CNPY1: variants seen among roughly 807,000 people sequenced by gnomAD.
CNPY1 encodes protein canopy homolog 1.
CNPY1 carries 14 observed loss-of-function variants against 14.4 expected under a neutral mutation model. That is an observed-to-expected ratio of 0.97 (90% CI 0.64 to 1.52). CNPY1 has a LOEUF of 1.52. CNPY1 is among the 40% of genes most tolerant of loss of function. The pLI, the probability that CNPY1 is intolerant of heterozygous loss-of-function variation, is 0.00. For missense variants in CNPY1, 129 were observed against 131.5 expected (o/e 0.98, Z 0.09); for synonymous variants, 43 against 46.5 (o/e 0.92, Z 0.31).
rs1413398988 is a variant in CNPY1, at chr7:155,501,389, G to A, written c.*1679C>T. ...TTGCCTACATTTGAGAATGTTTGAT[G>A]ATGATCAAAGAGAGTATGGAAACAG... On this transcript the variant is annotated 3_prime_UTR_variant, in exon 5 of 5. Coordinates refer to ENST00000636446, the MANE Select transcript of CNPY1 (RefSeq NM_001393663.1). 6.6e-6 allele frequency: 1 copy of A among 152,198 alleles called. No homozygotes were observed. Among genetic ancestry groups the A allele is most frequent in the Non-Finnish European group, 1.5e-5 (1 of 68,026 alleles). 9.4% of individuals were successfully genotyped at this position (152,198 alleles called of 1,614,324 possible). A position where few individuals can be genotyped will look rare whatever the true frequency, so the allele number is the denominator to read the frequency against.
intron 2 of CNPY1, chr7:155,510,559 A>G (rs1282232964): frequency 1.3e-5 from 2 of 152,198 alleles, no homozygotes; most frequent in Non-Finnish European, 2.9e-5. Flanking sequence ...CTCGAATCGG[A>G]AGTTAAATAG....
chr7:155,505,325 T>C (rs1175071754), intron 4 of CNPY1, among the ~76,000 whole-genome samples: 1 of 152,214 alleles, frequency 6.6e-6, no homozygotes, highest in East Asian at 1.9e-4. Context: ...AAGGACTTAA[T>C]CAGTGTTTTA....
At chr7:155,532,653 G>C (rs527264529) in intron 2 of CNPY1, among the ~76,000 whole-genome samples, 2 of 152,246 alleles carry the variant, frequency 1.3e-5, no homozygotes, top group Admixed American at 6.5e-5. Flanking sequence ...ATGATCCACT[G>C]CTATATTTTA....
intron 2 of CNPY1, among the ~76,000 whole-genome samples, chr7:155,539,682 T>G (rs1797061827): frequency 6.6e-6 from 1 of 151,960 alleles, no homozygotes; most frequent in Non-Finnish European, 1.5e-5. Context: ...AAAAACAGAT[T>G]AACGGGGGGA....
chr7:155,520,340 C>T (rs140736302), intron 2 of CNPY1, among the ~76,000 whole-genome samples: 2,324 of 152,026 alleles, frequency 0.015, 22 homozygotes, highest in Non-Finnish European at 0.02. Flanking sequence ...CGGCCGAGAG[C>T]ACCCACATGC....
At chr7:155,532,351 C>G (rs1796951535) in intron 2 of CNPY1, among the ~76,000 whole-genome samples, 1 of 149,072 alleles carries the variant, frequency 6.7e-6, no homozygotes, top group South Asian at 2.1e-4. Context: ...GGCCCGGGGC[C>G]GTGGCTCACG....
At chr7:155,504,318 C>A (rs1796222290) in intron 4 of CNPY1, among the ~76,000 whole-genome samples, 1 of 152,096 alleles carries the variant, frequency 6.6e-6, no homozygotes, top group Non-Finnish European at 1.5e-5. Context: ...CATCCAAACA[C>A]AATCATCTTA....
At chr7:155,531,420 A>C (rs1384881891) in intron 2 of CNPY1, among the ~76,000 whole-genome samples, 1 of 152,256 alleles carries the variant, frequency 6.6e-6, no homozygotes, top group Non-Finnish European at 1.5e-5. Flanking sequence ...ACGACATTTA[A>C]GTTTGAGAGG....
chr7:155,519,351 C>T (rs774264717), intron 2 of CNPY1, among the ~76,000 whole-genome samples: 2 of 151,900 alleles, frequency 1.3e-5, no homozygotes, highest in Non-Finnish European at 2.9e-5. Context: ...GAGAGCTTGT[C>T]TCTACAAAAA....
At chr7:155,503,219 T>C (rs1796178574) in intron 4 of CNPY1, 114 bp from the exon 5 acceptor site, 2 of 885,646 alleles carry the variant, frequency 2.3e-6, no homozygotes, top group Non-Finnish European at 3.4e-6. Flanking sequence ...TAAAAACTTT[T>C]ATTATGGAAA....
chr7:155,523,634 C>A (rs912959784), intron 2 of CNPY1, among the ~76,000 whole-genome samples: 1 of 152,144 alleles, frequency 6.6e-6, no homozygotes, highest in Non-Finnish European at 1.5e-5. Context: ...AGAAGGTGGG[C>A]GGGGACAAAG....
intron 2 of CNPY1, among the ~76,000 whole-genome samples, chr7:155,528,972 A>G (rs1476736898): frequency 6.6e-6 from 1 of 151,990 alleles, no homozygotes; most frequent in Non-Finnish European, 1.5e-5. Context: ...GAGGCAGGAG[A>G]ATGGCGTGAA....
At chr7:155,511,383 T>G (rs1378299408) in intron 2 of CNPY1, among the ~76,000 whole-genome samples, 1 of 152,242 alleles carries the variant, frequency 6.6e-6, no homozygotes, top group African/African-American at 2.4e-5. Context: ...ATATAAGTTT[T>G]GAGCAAAATT....
intron 2 of CNPY1, among the ~76,000 whole-genome samples, chr7:155,531,781 G>A (rs890509024): frequency 6.6e-6 from 1 of 152,190 alleles, no homozygotes; most frequent in Non-Finnish European, 1.5e-5. Context: ...AATGGGTGCC[G>A]GCCTAAGAGA....
chr7:155,532,534 T>C (rs1796957415), intron 2 of CNPY1, among the ~76,000 whole-genome samples: 1 of 151,868 alleles, frequency 6.6e-6, no homozygotes. Flanking sequence ...GGCAGGAGAA[T>C]GGCGTGAACC....
intron 1 of CNPY1, 113 bp from the exon 2 acceptor site, chr7:155,546,056 G>A (rs766366624): frequency 1.3e-5 from 5 of 397,934 alleles, no homozygotes; most frequent in African/African-American, 4.1e-5. Flanking sequence ...GTGCCGACGT[G>A]CCCAGGACCT....
intron 2 of CNPY1, among the ~76,000 whole-genome samples, chr7:155,527,057 T>TCTTTCTTTCTTTCTTTCTTTC (rs1554449558): frequency 1.1e-4 from 10 of 92,514 alleles, no homozygotes; most frequent in Non-Finnish European, 2.2e-4. Context: ...TTTCTTTCTT[T>TCTTTCTTTCTTTCTTTCTTTC]TTTTTTTTTT....
At chr7:155,522,354 T>G (rs1796742411) in intron 2 of CNPY1, among the ~76,000 whole-genome samples, 1 of 152,262 alleles carries the variant, frequency 6.6e-6, no homozygotes, top group Admixed American at 6.5e-5. Flanking sequence ...TCTCTGCCCA[T>G]GCCATCATGT....
chr7:155,519,250 G>A (rs953401750), intron 2 of CNPY1, among the ~76,000 whole-genome samples: 1 of 152,206 alleles, frequency 6.6e-6, no homozygotes, highest in Non-Finnish European at 1.5e-5. Context: ...CAGGCTGGGT[G>A]TAGTGGCTCG....
Sources: gnomAD v4.1 joint callset for allele counts (sites outside exome capture counted in the v4.1 genomes callset) on GRCh38, gnomAD v4.1.1 for gene constraint, MANE v1.5 for transcripts, NCBI Gene and HGNC (gene_info 2026-07-23, HGNC 2026-07-21) for gene names.